The following PIGN variants were observed in gnomAD, a reference collection of about 807,000 sequenced individuals.
PIGN encodes the protein GPI ethanolamine phosphate transferase 1.
Under a neutral mutation model 125.4 loss-of-function variants are expected in PIGN, and 117 were observed. That is an observed-to-expected ratio of 0.93 (90% CI 0.80 to 1.09). PIGN has a LOEUF of 1.09. Ranked by LOEUF, PIGN falls within the 50% of genes least tolerant of loss-of-function variation. The pLI, the probability that PIGN is intolerant of heterozygous loss-of-function variation, is 0.00. For synonymous variants in PIGN, 392 were observed against 377.8 expected (o/e 1.04, Z -0.44); for missense variants, 1,075 against 1,094.9 (o/e 0.98, Z 0.26).
At position 62,088,825 on chromosome 18, in the gene PIGN, G is replaced by C. The variant is rs867665036; in HGVS notation, c.2301C>G (p.Phe767Leu). ...CCKQKLTSIQ[F>L]SYNTDITQFR... The stretch of plus-strand genomic sequence containing the variant: ...ACTGAGTTATATCAGTATTATAAGA[G>C]AACTGGATACTGGTGAGCTGTGAGA... The change falls in exon 25 of 31, where the codon TTC becomes TTG. Residue 767 changes from phenylalanine to leucine, a missense_variant. Physicochemically the swap from Phe to Leu is conservative, Grantham distance 22 (BLOSUM62 0). Coordinates refer to ENST00000640252, the MANE Select transcript of PIGN (RefSeq NM_176787.5). The C allele has an allele frequency of 1.0e-5, 16 of 1,543,542 alleles. No homozygotes were observed. The highest frequency in any genetic ancestry group is 1.4e-5 in the Non-Finnish European group (16 of 1,135,610).
intron 23 of PIGN, among the ~76,000 whole-genome samples, chr18:62,029,509 A>G (rs979727710): frequency 1.3e-5 from 2 of 152,224 alleles, no homozygotes; most frequent in African/African-American, 4.8e-5. Flanking sequence ...TCTTGAAGAT[A>G]TATTTGCATT....
At chr18:62,169,023 T>G (rs539674931) in intron 1 of PIGN, among the ~76,000 whole-genome samples, 2 of 152,122 alleles carry the variant, frequency 1.3e-5, no homozygotes, top group East Asian at 3.9e-4. Context: ...GCTCAGCTAT[T>G]TTTGTATTTT....
intron 1 of PIGN, among the ~76,000 whole-genome samples, chr18:62,170,563 T>G (rs1433058168): frequency 6.6e-6 from 1 of 152,106 alleles, no homozygotes; most frequent in Non-Finnish European, 1.5e-5. Flanking sequence ...ATCCCCCATC[T>G]CTCTCCCTCT....
chr18:62,030,430 C>T (rs553830826), intron 23 of PIGN, among the ~76,000 whole-genome samples: 13 of 152,288 alleles, frequency 8.5e-5, no homozygotes, highest in African/African-American at 2.9e-4. Flanking sequence ...AAAGGACAAC[C>T]GGGTTTATCA....
chr18:62,158,661 A>G (rs1324794219), intron 4 of PIGN, among the ~76,000 whole-genome samples: 1 of 152,206 alleles, frequency 6.6e-6, no homozygotes, highest in Non-Finnish European at 1.5e-5. Context: ...TTCAAGATAA[A>G]TATCTGCCTC....
intron 7 of PIGN, among the ~76,000 whole-genome samples, chr18:62,149,558 T>C (rs571915341): frequency 1.3e-5 from 2 of 152,348 alleles, no homozygotes; most frequent in East Asian, 1.9e-4. Flanking sequence ...TGCAGCTAGA[T>C]GTGCCTTTGT....
At chr18:62,175,755 C>G (rs187405848) in intron 1 of PIGN, among the ~76,000 whole-genome samples, 4 of 152,346 alleles carry the variant, frequency 2.6e-5, no homozygotes, top group African/African-American at 9.6e-5. Context: ...CGGCATAGTG[C>G]AGTCACTTTA....
chr18:62,021,700 C>T (rs1044306458), intron 23 of PIGN, among the ~76,000 whole-genome samples: 1 of 152,300 alleles, frequency 6.6e-6, no homozygotes, highest in African/African-American at 2.4e-5. Context: ...CAAGTGTACA[C>T]CTTTCCTATT....
chr18:62,084,814 A>C (rs1275079710), intron 26 of PIGN, among the ~76,000 whole-genome samples: 1 of 152,212 alleles, frequency 6.6e-6, no homozygotes, highest in African/African-American at 2.4e-5. Context: ...TCAGTATAAA[A>C]AGCAAGGTGC....
rs2030386566 is a variant in PIGN at position 62,041,676 on chromosome 18, T to TGTGC, written c.*4179_*4180insGCAC. 6.7e-6 allele frequency: 1 copy of TGTGC among 149,244 alleles called. No individual in the cohort carries two copies. The highest frequency in any genetic ancestry group is 2.0e-4 in the East Asian group (1 of 5,040). 9.2% of individuals were successfully genotyped at this position (149,244 alleles called of 1,614,324 possible). ...GTGTGTGTGTGTGTGTGTGTGTGTG[T>TGTGC]GTGTGTGTGTGTGTGTGTGTGTGTG... On this transcript the variant is annotated 3_prime_UTR_variant, in exon 31 of 31. Coordinates refer to ENST00000640252, the MANE Select transcript of PIGN (RefSeq NM_176787.5).
chr18:62,146,460 C>G (rs2036332029), intron 9 of PIGN, among the ~76,000 whole-genome samples: 1 of 152,174 alleles, frequency 6.6e-6, no homozygotes, highest in Non-Finnish European at 1.5e-5. Context: ...CCAGGCCACT[C>G]TGGCAGGTAG....
At chr18:62,052,866 C>T in intron 30 of PIGN, 1 of 356,274 alleles carries the variant, frequency 2.8e-6, no homozygotes, top group Non-Finnish European at 5.0e-6. Flanking sequence ...ACATTTAGTG[C>T]TTCCTTCAGG....
chr18:62,134,381 A>G (rs777281673), intron 14 of PIGN, among the ~76,000 whole-genome samples: 7 of 152,200 alleles, frequency 4.6e-5, no homozygotes, highest in Non-Finnish European at 8.8e-5. Flanking sequence ...ACAGAACGAG[A>G]GTCAGTCTCA....
chr18:62,101,520 C>T (rs986986503), intron 21 of PIGN, among the ~76,000 whole-genome samples: 9 of 152,206 alleles, frequency 5.9e-5, no homozygotes, highest in Admixed American at 1.3e-4. Context: ...GTCAAAGCTA[C>T]TATGGCTTAA....
intron 23 of PIGN, among the ~76,000 whole-genome samples, chr18:62,029,796 C>T (rs1257231218): frequency 6.6e-6 from 1 of 152,176 alleles, no homozygotes; most frequent in Non-Finnish European, 1.5e-5. Flanking sequence ...CATGCATCTG[C>T]AGCTCACATT....
chr18:62,186,059 T>TC (rs2037965365), intron 1 of PIGN, among the ~76,000 whole-genome samples: 1 of 147,174 alleles, frequency 6.8e-6, no homozygotes, highest in Non-Finnish European at 1.5e-5. Flanking sequence ...TTTTTTTTTT[T>TC]TTTTTTTTTG....
intron 23 of PIGN, among the ~76,000 whole-genome samples, chr18:62,027,462 A>G (rs1411798217): frequency 6.6e-6 from 1 of 152,248 alleles, no homozygotes; most frequent in East Asian, 1.9e-4. Context: ...CAAGATATGT[A>G]AGATGAACAT....
chr18:62,073,084 T>C (rs2032977683), intron 29 of PIGN, among the ~76,000 whole-genome samples: 1 of 152,126 alleles, frequency 6.6e-6, no homozygotes. Context: ...CTACCTACTG[T>C]GTGCCGATCA....
chr18:62,182,619 C>T (rs886123813), intron 1 of PIGN, among the ~76,000 whole-genome samples: 1 of 152,182 alleles, frequency 6.6e-6, no homozygotes, highest in Admixed American at 6.5e-5. Context: ...AGGAATAGGT[C>T]ACCCCTATAT....
Sources: allele counts gnomAD v4.1 joint callset (sites outside exome capture counted in the v4.1 genomes callset), GRCh38; gene constraint gnomAD v4.1.1; transcripts MANE v1.5; gene names NCBI Gene and HGNC (gene_info 2026-07-23, HGNC 2026-07-21).